Variants in MTMR11 observed in about 807,000 individuals in gnomAD.
The protein encoded by MTMR11 is myotubularin-related protein 11.
Under a neutral mutation model 100.0 loss-of-function variants are expected in MTMR11, and 89 were observed. That is an observed-to-expected ratio of 0.89 (90% CI 0.75 to 1.06). The LOEUF (loss-of-function observed/expected upper bound fraction) is 1.06. Among genes scored for constraint, MTMR11 ranks in the 50% least tolerant of loss-of-function variants. MTMR11 has a pLI of 0.00. For synonymous variants in MTMR11, 336 were observed against 326.3 expected, an observed-to-expected ratio of 1.03 and a Z score of -0.32; for missense variants, 809 against 873.7, an observed-to-expected ratio of 0.93 and a Z score of 0.93.
chr1:149,933,817 C>T, intron 8 of MTMR11, 38 bp downstream of exon 8: 1 of 1,610,158 alleles, frequency 6.2e-7, no homozygotes. Flanking sequence ...CCACATGACC[C>T]TCTAATCCAC....
rs2092671818 is a variant in MTMR11, at chr1:149,932,401, T to G, written c.986-71A>C. 3 of 1,272,564 alleles carry G rather than the reference T, an allele frequency of 2.4e-6. No homozygotes were observed. The South Asian group carries it at 3.6e-5, about 15-fold the overall frequency. The allele number at this position is 1,272,564 out of a possible 1,614,324, so 78.8% of individuals were successfully genotyped here. ...GGATTCAGGATTCAGGTTGATAGCC[T>G]GCTGGGTTAAGAACAGGAATGAAAA... On this transcript the variant is annotated intron_variant, in intron 10 of 16. Coordinates refer to ENST00000439741, the MANE Select transcript of MTMR11 (RefSeq NM_001145862.2).
At chr1:149,930,574 T>C (rs773506112) in intron 14 of MTMR11, 27 bp from the exon 15 acceptor site, 28 of 1,580,880 alleles carry the variant, frequency 1.8e-5, no homozygotes, top group Non-Finnish European at 2.4e-5. Flanking sequence ...AGAAAAAGGA[T>C]GGTTACACAC....
At chr1:149,932,441 C>T in intron 10 of MTMR11, 111 bp from the exon 11 acceptor site, 1 of 821,162 alleles carries the variant, frequency 1.2e-6, no homozygotes, top group Non-Finnish European at 2.0e-6. Context: ...TTGTAAATGG[C>T]CAGGATGGTT....
In MTMR11 at chr1:149,930,468, A is replaced by G. The variant is rs782590999; in HGVS notation, c.1544T>C (p.Val515Ala). ...AGNSFNLQLS[V>A]WDWDLRYSNA... ...GCTATAACGTAAATCCCAGTCCCAG[A>G]CAGACAGCTGCAGGTTAAAAGAGTT... The change falls in exon 15 of 17, where the codon GTC becomes GCC. Residue 515 changes from valine (V) to alanine (A), a missense_variant. By Grantham distance (64) the Val-to-Ala change is moderately conservative (BLOSUM62 0). Coordinates refer to ENST00000439741, the MANE Select transcript of MTMR11 (RefSeq NM_001145862.2). 6.2e-7 allele frequency: 1 copy of G among 1,614,084 alleles called. No homozygotes were observed. The highest frequency in any genetic ancestry group is 1.1e-5 in the South Asian group (1 of 91,080).
chr1:149,931,666 C>G (rs2092662616), intron 12 of MTMR11: 2 of 581,348 alleles, frequency 3.4e-6, no homozygotes, highest in Non-Finnish European at 6.0e-6. Context: ...AATCACAATT[C>G]TCAAACCAGC....
At position 149,933,617 on chromosome 1, in the gene MTMR11, C is replaced by A. The variant is rs781990993; in HGVS notation, c.853G>T (p.Asp285Tyr). 1.5e-5 allele frequency: 25 copies of A among 1,614,064 alleles called. No homozygotes were observed. The highest frequency in any genetic ancestry group is 2.0e-5 in the Non-Finnish European group (24 of 1,180,028). The change falls in exon 9 of 17, where the codon GAT (aspartate) becomes TAT (tyrosine). Residue 285 changes from aspartate (D) to tyrosine (Y), a missense_variant. Transcript: ENST00000439741. ...FYTASDPNKE[D>Y]IRAVELMLQA... is the part of the protein sequence containing the mutation. Reference sequence around the variant, plus strand: ...TCATCAAGCCTCCCTCACCTGATATCCTCCTTGTTAGGGTCACTGGCTGTA... The same window carrying A: ...TCATCAAGCCTCCCTCACCTGATATACTCCTTGTTAGGGTCACTGGCTGTA...
Position 149,933,560 on chromosome 1 carries a change from G to A in MTMR11, c.861-30C>T, listed in dbSNP as rs2092687124. The A allele has an allele frequency of 6.8e-6, 11 of 1,614,112 alleles. No individual in the cohort carries two copies. In the East Asian group the frequency reaches 2.2e-4, roughly 33 times the overall value. On this transcript the variant is annotated intron_variant, in intron 9 of 16. Coordinates refer to ENST00000439741, the MANE Select transcript of MTMR11 (RefSeq NM_001145862.2). The stretch of plus-strand genomic sequence containing the variant: ...AGGGGAGGGAGTCAGGAAATAAGGA[G>A]TCTACCCTGAGCACCTAACCCTTGA...
chr1:149,933,929 A>G lies in MTMR11; in HGVS notation c.697T>C (p.Phe233Leu). ...TCCAGAATTCGGTTAGGGACCCAGA[A>G]GTAACGGGGGAGGCTGTGAAATGAG... ...FDVATSLPRY[F>L]WVPNRILDSE... is the part of the protein sequence containing the mutation. Residue 233 changes from phenylalanine to leucine, a missense_variant, in exon 8 of 17, where the codon TTC becomes CTC. Transcript: ENST00000439741. 1.2e-6 allele frequency: 2 copies of G among 1,614,098 alleles called. No homozygotes were observed. The highest frequency in any genetic ancestry group is 1.7e-6 in the Non-Finnish European group (2 of 1,179,914).
In MTMR11 at chr1:149,931,433, G is replaced by A. The variant is rs1553767657; in HGVS notation, c.1124-7C>T. ...AGATCACGATCACCGCGCTCTGGGT[G>A]ATAAAGAGGAAGAAGGGACAAAGAA... On this transcript the variant is annotated splice_region_variant and splice_polypyrimidine_tract_variant and intron_variant, in intron 12 of 16. Coordinates refer to ENST00000439741, the MANE Select transcript of MTMR11 (RefSeq NM_001145862.2). 1.9e-6 allele frequency: 3 copies of A among 1,576,892 alleles called. No homozygotes were observed.
In MTMR11 at chr1:149,934,909, G is replaced by C. The variant is rs2092703691; in HGVS notation, c.468+77C>G. The C allele has an allele frequency of 3.3e-6, 5 of 1,517,716 alleles. 1 individual carries two copies. In the South Asian group the frequency reaches 6.2e-5, roughly 19 times the overall value. The allele number at this position is 1,517,716 out of a possible 1,614,324, so 94.0% of individuals were successfully genotyped here. A position where few individuals can be genotyped will look rare whatever the true frequency, so the allele number is the denominator to read the frequency against. ...TGATGAGAGGATCCCAGGGGCTGGA[G>C]GAGTCTCAGAAATTGTCAGGGAGAG... On this transcript the variant is annotated intron_variant, in intron 5 of 16. Coordinates refer to ENST00000439741, the MANE Select transcript of MTMR11 (RefSeq NM_001145862.2).
chr1:149,930,292 T>C (rs2092641196), intron 15 of MTMR11, 73 bp downstream of exon 15: 1 of 1,440,970 alleles, frequency 6.9e-7, no homozygotes, highest in African/African-American at 1.4e-5. Flanking sequence ...ACATTTTGTC[T>C]TTCACTTCTC....
rs2092725526 is a variant in MTMR11, at chr1:149,936,575, T to C, written c.66+7A>G. ...TTGCCGACACCCCCCAAATTCCTTC[T>C]CCTTACCCCCATCTCTGGCTCCTCC... On this transcript the variant is annotated splice_region_variant and intron_variant, in intron 1 of 16. Transcript: ENST00000439741. 2 of 1,519,548 alleles carry C rather than the reference T, an allele frequency of 1.3e-6. No homozygotes were observed. Among genetic ancestry groups the C allele is most frequent in the Non-Finnish European group, 1.8e-6 (2 of 1,120,248 alleles). The allele number at this position is 1,519,548 out of a possible 1,614,324, so 94.1% of individuals were successfully genotyped here. A position where few individuals can be genotyped will look rare whatever the true frequency, so the allele number is the denominator to read the frequency against.
rs2092685524 is a variant in MTMR11 at position 149,933,413 on chromosome 1, G to A, written c.978C>T (p.Cys326=). 1.2e-6 allele frequency: 2 copies of A among 1,614,036 alleles called. No homozygotes were observed. Among genetic ancestry groups the A allele is most frequent in the African/African-American group, 1.3e-5 (1 of 74,922 alleles). ...QLAHLRLRAL[C]LPDSSVAEDK... ...GTCAAAGGTTATTCTCACCAGGCAGGCAGAGGGCCCTCAGCCTCAGGTGGG... is the reference window on the plus strand; with the variant it reads ...GTCAAAGGTTATTCTCACCAGGCAGACAGAGGGCCCTCAGCCTCAGGTGGG... The change falls in exon 10 of 17, where the codon TGC becomes TGT. Residue 326 remains cysteine, a synonymous_variant. Transcript: ENST00000439741.
chr1:149,936,057 A>G, intron 2 of MTMR11, 97 bp downstream of exon 2: 2 of 1,339,892 alleles, frequency 1.5e-6, no homozygotes, highest in Non-Finnish European at 2.1e-6. Flanking sequence ...ACTTCGAGCC[A>G]CGAGAGGAAC....
At position 149,931,342 on chromosome 1, in the gene MTMR11, A is replaced by G; in HGVS notation, c.1208T>C (p.Phe403Ser). 6.2e-7 allele frequency: 1 copy of G among 1,614,044 alleles called. No individual in the cohort carries two copies. The highest frequency in any genetic ancestry group is 8.5e-7 in the Non-Finnish European group (1 of 1,180,010). ...SAPEARTLFG[F>S]QSLVQREWVA... ...CCACTCTCGCTGTACTAGTGATTGG[A>G]AGCCAAACAGTGTTCGGGCTTCGGG... The change falls in exon 13 of 17, where the codon TTC becomes TCC. Residue 403 changes from phenylalanine to serine, a missense_variant. Physicochemically the swap from Phe to Ser is radical, Grantham distance 155. Transcript: ENST00000439741.
Position 149,933,549 on chromosome 1 carries a change from G to A in MTMR11, c.861-19C>T. The A allele has an allele frequency of 6.2e-7, 1 of 1,614,030 alleles. No individual in the cohort carries two copies. ...CACTGCTCTGGAGGGGAGGGAGTCAGGAAATAAGGAGTCTACCCTGAGCAC... is the reference window on the plus strand; with the variant it reads ...CACTGCTCTGGAGGGGAGGGAGTCAAGAAATAAGGAGTCTACCCTGAGCAC... On this transcript the variant is annotated intron_variant, in intron 9 of 16. Coordinates refer to ENST00000439741, the MANE Select transcript of MTMR11 (RefSeq NM_001145862.2).
In MTMR11 at chr1:149,936,631, C is replaced by T. The variant is rs782053655; in HGVS notation, c.17G>A (p.Arg6Gln). ...GGGGGCAATGTTGAAACTCTGGCCC[C>T]GGCCCCCCCACCACATTTCTCTGGC... Reference protein sequence around the residue: MWWGGRGQSFNIAPQK... With the variant: MWWGGQGQSFNIAPQK... Residue 6 changes from arginine to glutamine, a missense_variant, in exon 1 of 17, where the codon CGG becomes CAG. Physicochemically the swap from Arg to Gln is conservative, Grantham distance 43. Coordinates refer to ENST00000439741, the MANE Select transcript of MTMR11 (RefSeq NM_001145862.2). The T allele has an allele frequency of 8.4e-6, 13 of 1,542,086 alleles. No individual in the cohort carries two copies. Among genetic ancestry groups the T allele is most frequent in the South Asian group, 1.2e-5 (1 of 83,796 alleles).
Position 149,930,895 on chromosome 1 carries a change from A to T in MTMR11, c.1361T>A (p.Phe454Tyr), listed in dbSNP as rs782546572. 6.2e-7 allele frequency: 1 copy of T among 1,613,464 alleles called. No individual in the cohort carries two copies. The highest frequency in any genetic ancestry group is 2.2e-5 in the East Asian group (1 of 44,852). Residue 454 changes from phenylalanine to tyrosine, a missense_variant, in exon 14 of 17, where the codon TTC (phenylalanine) becomes TAC (tyrosine). Coordinates refer to ENST00000439741, the MANE Select transcript of MTMR11 (RefSeq NM_001145862.2). ...AAGAGCAAGAAGGAAAAACTCAGAGAATTCAAAATCAGCTGGAAACTGCTG... is the reference window on the plus strand; with the variant it reads ...AAGAGCAAGAAGGAAAAACTCAGAGTATTCAAAATCAGCTGGAAACTGCTG... The part of the protein sequence containing the change: ...LLQQFPADFE[F>Y]SEFFLLALHD...
At position 149,931,435 on chromosome 1, in the gene MTMR11, T is replaced by C; in HGVS notation, c.1124-9A>G. The C allele has an allele frequency of 6.4e-7, 1 of 1,573,358 alleles. No individual in the cohort carries two copies. The highest frequency in any genetic ancestry group is 8.6e-7 in the Non-Finnish European group (1 of 1,160,916). On this transcript the variant is annotated splice_polypyrimidine_tract_variant and intron_variant, in intron 12 of 16. Transcript: ENST00000439741. ...ATCACGATCACCGCGCTCTGGGTGA[T>C]AAAGAGGAAGAAGGGACAAAGAAGA...
Sources: allele counts gnomAD v4.1 joint callset, GRCh38; gene constraint gnomAD v4.1.1; transcripts MANE v1.5; gene names NCBI Gene and HGNC (gene_info 2026-07-23, HGNC 2026-07-21).